Variants in FRMD5 observed in about 807,000 individuals in gnomAD.
FRMD5 encodes the protein FERM domain containing 5, also known as FERM domain-containing protein 5.
A neutral mutation model predicts 69.0 loss-of-function variants in FRMD5; 20 were observed. The observed-to-expected ratio is 0.29, with a 90% CI of 0.20 to 0.42. The LOEUF (loss-of-function observed/expected upper bound fraction) is 0.42, where lower values mean the gene tolerates loss of function less well. Ranked by LOEUF, FRMD5 falls within the 10% of genes least tolerant of loss-of-function variation. The pLI, the probability that FRMD5 is intolerant of heterozygous loss-of-function variation, is 1.00. For synonymous variants in FRMD5, 271 were observed against 260.1 expected (o/e 1.04, Z -0.40); for missense variants, 595 against 708.6 (o/e 0.84, Z 1.82).
At chr15:43,962,912 G>A (rs2090227888) in intron 1 of FRMD5, among the ~76,000 whole-genome samples, 1 of 152,054 alleles carries the variant, frequency 6.6e-6, no homozygotes. Flanking sequence ...AATTCAAGAT[G>A]GATTAAAGAC....
intron 1 of FRMD5, among the ~76,000 whole-genome samples, chr15:44,029,322 G>GAA (rs34192621): frequency 0.029 from 4,262 of 149,178 alleles, 86 homozygotes; most frequent in South Asian, 0.045. Context: ...TTGCTTCAAG[G>GAA]AAAAAAAAAA....
At chr15:43,987,735 A>T (rs1425892179) in intron 1 of FRMD5, among the ~76,000 whole-genome samples, 2 of 152,016 alleles carry the variant, frequency 1.3e-5, no homozygotes, top group African/African-American at 4.8e-5. Flanking sequence ...TTTTTAGTAG[A>T]GATGGGGTTT....
chr15:43,892,477 G>A (rs1287737282), intron 7 of FRMD5, among the ~76,000 whole-genome samples: 1 of 152,216 alleles, frequency 6.6e-6, no homozygotes, highest in Non-Finnish European at 1.5e-5. Context: ...CCACTCCTCA[G>A]TATGTGCTCA....
intron 1 of FRMD5, among the ~76,000 whole-genome samples, chr15:43,963,443 T>C (rs2090238384): frequency 6.6e-6 from 1 of 152,176 alleles, no homozygotes; most frequent in Non-Finnish European, 1.5e-5. Context: ...ATAGGAACAC[T>C]TTTACACTGT....
chr15:44,014,895 T>A (rs921633798), intron 1 of FRMD5, among the ~76,000 whole-genome samples: 11 of 152,222 alleles, frequency 7.2e-5, no homozygotes, highest in Admixed American at 2.6e-4. Flanking sequence ...GTTATGTCAA[T>A]TATAAACTTA....
chr15:44,065,743 A>G (rs530259606), intron 1 of FRMD5, among the ~76,000 whole-genome samples: 5 of 152,362 alleles, frequency 3.3e-5, no homozygotes, highest in African/African-American at 7.2e-5. Context: ...ACTGACCTAC[A>G]TTTTGTAAGA....
chr15:44,173,657 T>C (rs900450024), intron 1 of FRMD5, among the ~76,000 whole-genome samples: 3 of 152,082 alleles, frequency 2.0e-5, no homozygotes, highest in South Asian at 2.1e-4. Context: ...ACTACATGCA[T>C]GTGCCATCAT....
At chr15:44,069,122 T>A (rs990770028) in intron 1 of FRMD5, among the ~76,000 whole-genome samples, 95 of 152,248 alleles carry the variant, frequency 6.2e-4, no homozygotes, top group African/African-American at 2.1e-3. Flanking sequence ...CTTAAAACCA[T>A]GAAATATCAC....
At chr15:43,957,774 G>C (rs1345653375) in intron 1 of FRMD5, among the ~76,000 whole-genome samples, 1 of 152,166 alleles carries the variant, frequency 6.6e-6, no homozygotes, top group South Asian at 2.1e-4. Context: ...CTCTTTCATT[G>C]ATTATTAATT....
At chr15:44,155,875 G>C (rs926210312) in intron 1 of FRMD5, among the ~76,000 whole-genome samples, 1 of 151,974 alleles carries the variant, frequency 6.6e-6, no homozygotes, top group Non-Finnish European at 1.5e-5. Context: ...GATTACAGGT[G>C]TGAGCCAACA....
At chr15:43,980,998 A>C (rs1474952794) in intron 1 of FRMD5, among the ~76,000 whole-genome samples, 2 of 152,170 alleles carry the variant, frequency 1.3e-5, no homozygotes, top group African/African-American at 4.8e-5. Context: ...TAGTCAATTT[A>C]ACACAGACAC....
intron 1 of FRMD5, among the ~76,000 whole-genome samples, chr15:44,117,975 ATTTC>A (rs933271660): frequency 2.6e-5 from 3 of 114,602 alleles, no homozygotes; most frequent in African/African-American, 1.2e-4. Flanking sequence ...TCTGGATTCC[ATTTC>A]TTTCTTTTTT....
chr15:43,995,402 G>A lies in FRMD5; in HGVS notation c.103-71093C>T, dbSNP rs115206077. Reference sequence around the variant, plus strand: ...CTGAAGCCTGATTTCAAAGAGGATGGCCTGGTGCTGGGGTGTGCCTGGAGC... The same window carrying A: ...CTGAAGCCTGATTTCAAAGAGGATGACCTGGTGCTGGGGTGTGCCTGGAGC... On this transcript the variant is annotated intron_variant, in intron 1 of 13. Coordinates refer to ENST00000417257, the MANE Select transcript of FRMD5 (RefSeq NM_032892.5). Among the ~76,000 whole-genome samples the A allele has an allele frequency of 7.0e-3, 1,071 of 152,306 alleles. 9 individuals carry two copies. The highest frequency in any genetic ancestry group is 0.025 in the African/African-American group (1,020 of 41,546).
intron 1 of FRMD5, among the ~76,000 whole-genome samples, chr15:44,156,856 C>A (rs1292888004): frequency 6.6e-6 from 1 of 152,014 alleles, no homozygotes; most frequent in Non-Finnish European, 1.5e-5. Flanking sequence ...TGCTCCAGCT[C>A]AAGAGTTCAT....
intron 1 of FRMD5, among the ~76,000 whole-genome samples, chr15:43,956,834 G>A (rs1262432750): frequency 6.6e-6 from 1 of 152,166 alleles, no homozygotes; most frequent in Non-Finnish European, 1.5e-5. Flanking sequence ...ATTGATAGCT[G>A]GCCATTGGTT....
At chr15:44,018,721 A>T (rs747739139) in intron 1 of FRMD5, among the ~76,000 whole-genome samples, 2 of 152,226 alleles carry the variant, frequency 1.3e-5, no homozygotes, top group Non-Finnish European at 2.9e-5. Context: ...CTTCTTTATC[A>T]TCTGGTCAAA....
chr15:44,014,190 C>CA (rs898762688), intron 1 of FRMD5, among the ~76,000 whole-genome samples: 1 of 152,030 alleles, frequency 6.6e-6, no homozygotes, highest in Non-Finnish European at 1.5e-5. Flanking sequence ...CAGAGACTGG[C>CA]ATGAGAGGGG....
In FRMD5 at chr15:44,120,488, G is replaced by GATAAGGAAGA. The variant is rs371037147; in HGVS notation, c.102+74455_102+74464dup. Among the ~76,000 whole-genome samples the GATAAGGAAGA allele has an allele frequency of 9.4e-3, 1,430 of 151,374 alleles. 10 individuals are homozygous for GATAAGGAAGA. The highest frequency in any genetic ancestry group is 0.017 in the Middle Eastern group (5 of 286). On this transcript the variant is annotated intron_variant, in intron 1 of 13. Coordinates refer to ENST00000417257, the MANE Select transcript of FRMD5 (RefSeq NM_032892.5). ...TAGATTTGGCTTGGGTAACTAGAAG[G>GATAAGGAAGA]ATAAGGAAGAATTCCCCAAAAGTAG... is the stretch of plus-strand genomic sequence containing the variant.
intron 1 of FRMD5, among the ~76,000 whole-genome samples, chr15:43,961,406 T>C (rs2090198363): frequency 2.6e-5 from 4 of 152,178 alleles, no homozygotes; most frequent in Admixed American, 1.3e-4. Context: ...ATTGAGGCAA[T>C]AATTAATAGC....
Sources: gnomAD v4.1 joint callset for allele counts (sites outside exome capture counted in the v4.1 genomes callset) on GRCh38, gnomAD v4.1.1 for gene constraint, MANE v1.5 for transcripts, NCBI Gene and HGNC (gene_info 2026-07-23, HGNC 2026-07-21) for gene names.